The following PRR12 variants were observed in gnomAD, a reference collection of about 807,000 sequenced individuals.
The protein encoded by PRR12 is proline rich 12, also known as proline-rich protein 12.
A neutral mutation model predicts 138.0 loss-of-function variants in PRR12; 12 were observed. That is an observed-to-expected ratio of 0.09 (90% CI 0.06 to 0.14). PRR12 has a LOEUF of 0.14. Among genes scored for constraint, PRR12 ranks in the 10% least tolerant of loss-of-function variants. The pLI is 1.00. For synonymous variants in PRR12, 1,567 were observed against 1,291.7 expected, an observed-to-expected ratio of 1.21 and a Z score of -4.57; for missense variants, 2,692 against 2,861.3, an observed-to-expected ratio of 0.94 and a Z score of 1.35.
chr19:49,597,282 G>T lies in PRR12; in HGVS notation c.2947G>T (p.Gly983Cys). Reference sequence around the variant, plus strand: ...CAAGGCTGGCGCTGGGCCACCCCCCGGCCCCCCTGCTTATGATCCCTATGG... The same window carrying T: ...CAAGGCTGGCGCTGGGCCACCCCCCTGCCCCCCTGCTTATGATCCCTATGG... Reference protein sequence around the residue: ...DPKAGAGPPPGPPAYDPYGPY... With the variant: ...DPKAGAGPPPCPPAYDPYGPY... The change falls in exon 4 of 14, where the codon GGC (glycine) becomes TGC (cysteine). Residue 983 changes from glycine to cysteine, a missense_variant. Physicochemically the swap from Gly to Cys is radical, Grantham distance 159 (BLOSUM62 -3). This residue lies in a region of PRR12 where 840 missense variants were observed against 689.8 expected (regional missense o/e 1.22). Coordinates refer to ENST00000418929, the MANE Select transcript of PRR12 (RefSeq NM_020719.3). The surrounding 1 kb of genome is among the most constrained non-coding windows in gnomAD (Gnocchi z 6.3). 1 of 1,563,334 alleles carries T rather than the reference G, an allele frequency of 6.4e-7. No individual in the cohort carries two copies.
chr19:49,597,285 C>T lies in PRR12; in HGVS notation c.2950C>T (p.Pro984Ser), dbSNP rs1237384416. Residue 984 changes from proline to serine, a missense_variant, in exon 4 of 14, where the codon CCC becomes TCC. Coordinates refer to ENST00000418929, the MANE Select transcript of PRR12 (RefSeq NM_020719.3). This position sits in a 1 kb window ranked among gnomAD's most constrained non-coding sequence, Gnocchi z 6.3. ...PKAGAGPPPG[P>S]PAYDPYGPYC... ...GGCTGGCGCTGGGCCACCCCCCGGC[C>T]CCCCTGCTTATGATCCCTATGGGCC... 3.8e-6 allele frequency: 6 copies of T among 1,562,550 alleles called. No homozygotes were observed. Among genetic ancestry groups the T allele is most frequent in the African/African-American group, 1.4e-5 (1 of 73,862 alleles).
intron 2 of PRR12, among the ~76,000 whole-genome samples, chr19:49,593,698 C>T (rs972639448): frequency 6.6e-6 from 1 of 152,162 alleles, no homozygotes; most frequent in South Asian, 2.1e-4. Context: ...ATCCCACCTT[C>T]TCTTCCAGGC....
intron 4 of PRR12, among the ~76,000 whole-genome samples, chr19:49,598,562 G>T (rs2080791367): frequency 6.6e-6 from 1 of 152,166 alleles, no homozygotes; most frequent in South Asian, 2.1e-4. Context: ...GTTCATGCCT[G>T]TAATCCCAGC....
chr19:49,620,197 G>A (rs2080914663), intron 9 of PRR12, among the ~76,000 whole-genome samples, 155 bp from the exon 10 acceptor site: 1 of 152,140 alleles, frequency 6.6e-6, no homozygotes, highest in Non-Finnish European at 1.5e-5. Flanking sequence ...AGAGCACGTG[G>A]CACTGGCGCT....
chr19:49,591,651 A>G lies in PRR12; in HGVS notation c.-4A>G. 3 of 1,045,844 alleles carry G rather than the reference A, an allele frequency of 2.9e-6. No individual in the cohort carries two copies. The highest frequency in any genetic ancestry group is 3.8e-6 in the Non-Finnish European group (3 of 799,176). 64.8% of individuals were successfully genotyped at this position (1,045,844 alleles called of 1,614,324 possible). A position where few individuals can be genotyped will look rare whatever the true frequency, so the allele number is the denominator to read the frequency against. The stretch of plus-strand genomic sequence containing the variant: ...CTCCCCCCAATTTCCACCGCGGCCA[A>G]TTCATGGACAGGAACTACCCCAGCG... On this transcript the variant is annotated 5_prime_UTR_variant, in exon 1 of 14. Transcript: ENST00000418929.
Position 49,614,801 on chromosome 19 carries a change from C to A in PRR12, c.4891-75C>A. 1 of 1,597,054 alleles carries A rather than the reference C, an allele frequency of 6.3e-7. No homozygotes were observed. Among genetic ancestry groups the A allele is most frequent in the Non-Finnish European group, 8.6e-7 (1 of 1,167,004 alleles). On this transcript the variant is annotated intron_variant, in intron 7 of 13. Transcript: ENST00000418929. The surrounding 1 kb of genome is among the most constrained non-coding windows in gnomAD (Gnocchi z 5.0). ...AGGCTCCAAGCAGCTGCCATGGTGG[C>A]CCAGGGCACGGGGGTGTTGGCCATC...
chr19:49,625,472 C>A lies in PRR12; in HGVS notation c.5976C>A (p.Ile1992=). The A allele has an allele frequency of 6.2e-7, 1 of 1,607,504 alleles. No individual in the cohort carries two copies. Among genetic ancestry groups the A allele is most frequent in the Non-Finnish European group, 8.5e-7 (1 of 1,177,094 alleles). ...FLRCRDQTLA[I]EGGAEDLGQE... is the part of the protein sequence containing the mutation. Reference sequence around the variant, plus strand: ...TTTGACCCCTGCAGACCCTGGCCATCGAGGGCGGCGCCGAGGACCTGGGCC... The same window carrying A: ...TTTGACCCCTGCAGACCCTGGCCATAGAGGGCGGCGCCGAGGACCTGGGCC... Residue 1992 remains isoleucine, a synonymous_variant, in exon 14 of 14, where the codon ATC becomes ATA. Transcript: ENST00000418929. The surrounding 1 kb of genome is among the most constrained non-coding windows in gnomAD (Gnocchi z 5.5).
At chr19:49,617,409 C>T (rs576537373) in intron 9 of PRR12, among the ~76,000 whole-genome samples, 7 of 152,270 alleles carry the variant, frequency 4.6e-5, no homozygotes, top group Admixed American at 1.3e-4. Context: ...GGTAGACTCA[C>T]TTGAGCTCAA....
At position 49,595,780 on chromosome 19, in the gene PRR12, C is replaced by T. The variant is rs755296196; in HGVS notation, c.1445C>T (p.Pro482Leu). The change falls in exon 4 of 14, where the codon CCC becomes CTC. Residue 482 changes from proline to leucine, a missense_variant. This residue lies in a region of PRR12 where 523 missense variants were observed against 496.4 expected (regional missense o/e 1.05). Coordinates refer to ENST00000418929, the MANE Select transcript of PRR12 (RefSeq NM_020719.3). ...AGCTACTCAGGGGGCCCCCCACAGC[C>T]CCCCAGCGGCCCCCCTCCTCCTGGC... ...APSYSGGPPQ[P>L]PSGPPPPGLA... 1.3e-6 allele frequency: 2 copies of T among 1,597,670 alleles called. No individual in the cohort carries two copies. Among genetic ancestry groups the T allele is most frequent in the Admixed American group, 1.7e-5 (1 of 57,986 alleles).
intron 9 of PRR12, 80 bp from the exon 10 acceptor site, chr19:49,620,272 A>G: frequency 6.4e-7 from 1 of 1,569,590 alleles, no homozygotes; most frequent in Non-Finnish European, 8.7e-7. Context: ...TCCGGTCCCC[A>G]GTGTTGAGAA....
intron 6 of PRR12, among the ~76,000 whole-genome samples, chr19:49,605,321 G>GAC: frequency 2.6e-5 from 4 of 152,038 alleles, no homozygotes; most frequent in African/African-American, 9.6e-5. Context: ...GGAGTACAAT[G>GAC]GTGCGATCTC....
chr19:49,607,750 G>GA (rs1260984937), intron 6 of PRR12, among the ~76,000 whole-genome samples: 2 of 151,802 alleles, frequency 1.3e-5, no homozygotes, highest in Non-Finnish European at 2.9e-5. Flanking sequence ...CAAGCGTGGT[G>GA]GCTCACGCCT....
rs560830868 is a variant in PRR12, at chr19:49,610,175, A to G, written c.4774-4358A>G. ...TTTTTAGTAGAGACAAGGTTTCACC[A>G]TGTCGGCCAGGCTGGTCTCGAACTC... On this transcript the variant is annotated intron_variant, in intron 6 of 13. Coordinates refer to ENST00000418929, the MANE Select transcript of PRR12 (RefSeq NM_020719.3). 5.3e-5 allele frequency among the ~76,000 whole-genome samples: 8 copies of G among 152,012 alleles called. No individual in the cohort carries two copies. In the East Asian group the frequency reaches 1.6e-3, roughly 30 times the overall value.
In PRR12 at chr19:49,603,411, C is replaced by T. The variant is rs1341094044; in HGVS notation, c.4773+1493C>T. Among the ~76,000 whole-genome samples, 7 of 152,324 alleles carry T rather than the reference C, an allele frequency of 4.6e-5. No homozygotes were observed. The South Asian group carries it at 8.3e-4, about 18-fold the overall frequency. Reference sequence around the variant, plus strand: ...TGTACAGTGTGACATTTAATCTTGGCGGGGCATGGCGGTTCACGCCTGTAA... The same window carrying T: ...TGTACAGTGTGACATTTAATCTTGGTGGGGCATGGCGGTTCACGCCTGTAA... On this transcript the variant is annotated intron_variant, in intron 6 of 13. Coordinates refer to ENST00000418929, the MANE Select transcript of PRR12 (RefSeq NM_020719.3).
In PRR12 at chr19:49,625,684, C is replaced by T. The variant is rs376935040; in HGVS notation, c.*77C>T. 1.2e-4 allele frequency: 184 copies of T among 1,488,524 alleles called. No homozygotes were observed. The East Asian group carries it at 1.3e-3, about 11-fold the overall frequency. The allele number at this position is 1,488,524 out of a possible 1,614,324, so 92.2% of individuals were successfully genotyped here. A position where few individuals can be genotyped will look rare whatever the true frequency, so the allele number is the denominator to read the frequency against. On this transcript the variant is annotated 3_prime_UTR_variant, in exon 14 of 14. Transcript: ENST00000418929. This position sits in a 1 kb window ranked among gnomAD's most constrained non-coding sequence, Gnocchi z 5.5. ...ACAGAACCGTGTCCTCAGGAGCTAA[C>T]ACCTGGGCTCCATCGCCGGGGAAAG...
At position 49,594,647 on chromosome 19, in the gene PRR12, G is replaced by A. The variant is rs780756387; in HGVS notation, c.361+32G>A. On this transcript the variant is annotated intron_variant, in intron 3 of 13. Transcript: ENST00000418929. The surrounding 1 kb of genome is among the most constrained non-coding windows in gnomAD (Gnocchi z 5.6). The stretch of plus-strand genomic sequence containing the variant: ...CCAGCGCCGGCCCTGCAGGGCCAGG[G>A]TGGGACTGGCTCGCTGTTCTCTCTG... The A allele has an allele frequency of 1.2e-6, 2 of 1,611,114 alleles. No homozygotes were observed. The highest frequency in any genetic ancestry group is 1.3e-5 in the African/African-American group (1 of 74,868).
chr19:49,595,043 A>G lies in PRR12; in HGVS notation c.708A>G (p.Pro236=), dbSNP rs1311260696. 1 of 1,471,296 alleles carries G rather than the reference A, an allele frequency of 6.8e-7. No individual in the cohort carries two copies. The highest frequency in any genetic ancestry group is 1.9e-5 in the Admixed American group (1 of 53,910). 91.1% of individuals were successfully genotyped at this position (1,471,296 alleles called of 1,614,324 possible). ...PYRPGPPDPP[P]PPRHLPTQFN... The stretch of plus-strand genomic sequence containing the variant: ...GCCCTGGCCCCCCAGACCCACCACC[A>G]CCTCCTCGCCACCTCCCAACTCAGT... The change falls in exon 4 of 14, where the codon CCA becomes CCG. Residue 236 remains proline (P), a synonymous_variant. Transcript: ENST00000418929.
intron 11 of PRR12, chr19:49,621,843 G>T: frequency 1.8e-6 from 1 of 561,930 alleles, no homozygotes; most frequent in Non-Finnish European, 3.2e-6. Context: ...GGCAGCAGAG[G>T]GGTGGTTGTG....
chr19:49,608,591 G>A (rs187374313), intron 6 of PRR12, among the ~76,000 whole-genome samples: 9 of 151,912 alleles, frequency 5.9e-5, no homozygotes, highest in African/African-American at 2.2e-4. Flanking sequence ...GGGTGGTCTC[G>A]ATCTCTTGAC....
Sources: gnomAD v4.1 joint callset for allele counts (sites outside exome capture counted in the v4.1 genomes callset) on GRCh38, gnomAD v4.1.1 for gene constraint, gnomAD v4.1.1 regional missense constraint, Gnocchi (gnomAD v3.1) non-coding constraint, MANE v1.5 for transcripts, NCBI Gene and HGNC (gene_info 2026-07-23, HGNC 2026-07-21) for gene names.